PLCE1: variants seen among roughly 807,000 people sequenced by gnomAD.
The protein encoded by PLCE1 is phospholipase C epsilon 1.
In PLCE1, 119 loss-of-function variants were observed where a neutral mutation model predicts 242.8. That is an observed-to-expected ratio of 0.49 (90% CI 0.42 to 0.57). The LOEUF is 0.57. Ranked by LOEUF, PLCE1 falls within the 20% of genes least tolerant of loss-of-function variation. The pLI is 0.00. For missense variants in PLCE1, 2,441 were observed against 2,788.8 expected, an observed-to-expected ratio of 0.88 and a Z score of 2.81; for synonymous variants, 945 against 1,017.4, an observed-to-expected ratio of 0.93 and a Z score of 1.35.
intron 3 of PLCE1, among the ~76,000 whole-genome samples, chr10:94,160,594 C>T (rs1378457515): frequency 6.6e-6 from 1 of 152,098 alleles, no homozygotes; most frequent in East Asian, 1.9e-4. Context: ...ATGGTAGTTT[C>T]TTTTGCTGTG....
At chr10:94,318,282 A>C (rs779737165) in intron 29 of PLCE1, among the ~76,000 whole-genome samples, 7 of 152,224 alleles carry the variant, frequency 4.6e-5, no homozygotes, top group Non-Finnish European at 1.0e-4. Context: ...GCTTAGCTGT[A>C]CTTTTGAAGC....
chr10:94,242,365 A>C (rs1224480200), intron 7 of PLCE1, among the ~76,000 whole-genome samples: 2 of 151,994 alleles, frequency 1.3e-5, no homozygotes, highest in African/African-American at 4.8e-5. Flanking sequence ...ATGCAGTGGC[A>C]CAATGCCAGC....
intron 28 of PLCE1, 56 bp downstream of exon 28, chr10:94,313,438 T>C (rs2053454026): frequency 5.6e-6 from 9 of 1,598,434 alleles, no homozygotes; most frequent in East Asian, 2.2e-5. Context: ...TATGGATGTA[T>C]GTGTGTGTAT....
intron 30 of PLCE1, among the ~76,000 whole-genome samples, chr10:94,323,397 T>C (rs1455401002): frequency 3.9e-5 from 6 of 152,248 alleles, no homozygotes; most frequent in Non-Finnish European, 7.3e-5. Context: ...CTCAGATCTG[T>C]GCCTTAGTTA....
intron 20 of PLCE1, chr10:94,280,463 C>T (rs1564856996): frequency 6.4e-6 from 1 of 157,306 alleles, no homozygotes; most frequent in Non-Finnish European, 1.4e-5. Flanking sequence ...TGACGCAACA[C>T]AAAAAGTCAC....
intron 30 of PLCE1, among the ~76,000 whole-genome samples, chr10:94,322,523 G>T (rs774755421): frequency 6.6e-6 from 1 of 152,070 alleles, no homozygotes; most frequent in Non-Finnish European, 1.5e-5. Flanking sequence ...GGGGGTTCAC[G>T]CCTGTAATCC....
intron 4 of PLCE1, among the ~76,000 whole-genome samples, chr10:94,185,613 G>A (rs1355371137): frequency 3.3e-5 from 5 of 152,194 alleles, no homozygotes; most frequent in East Asian, 3.8e-4. Context: ...TCTATGAAGT[G>A]GGATAATTTA....
chr10:94,109,492 C>T (rs1415171458), intron 2 of PLCE1, among the ~76,000 whole-genome samples: 1 of 152,090 alleles, frequency 6.6e-6, no homozygotes, highest in Non-Finnish European at 1.5e-5. Context: ...CCTATAGTTC[C>T]AGCTACTTGG....
intron 2 of PLCE1, among the ~76,000 whole-genome samples, chr10:94,086,466 C>T (rs2044829712): frequency 6.6e-6 from 1 of 152,120 alleles, no homozygotes; most frequent in Non-Finnish European, 1.5e-5. Context: ...AATTTTGAAG[C>T]AATTTCTCAC....
At chr10:94,037,493 G>A (rs192929840) in intron 2 of PLCE1, among the ~76,000 whole-genome samples, 6 of 152,308 alleles carry the variant, frequency 3.9e-5, no homozygotes, top group East Asian at 1.9e-4. Context: ...TTAAAATTTC[G>A]TGGGGTGCTT....
intron 2 of PLCE1, among the ~76,000 whole-genome samples, chr10:94,087,349 C>CAAAAAA (rs57482986): frequency 3.0e-5 from 2 of 67,504 alleles, no homozygotes; most frequent in Non-Finnish European, 5.7e-5. Context: ...GACCCTGTCT[C>CAAAAAA]AAAAAAAAAA....
rs2044357147 is a variant in PLCE1, at chr10:94,071,501, T to TTTTGTTTTTTTTGTTTTTTTG, written c.1206+39252_1206+39253insGTTTTTTTTGTTTTTTTGTTT. ...GTGTGTGTGTTTGGTTTTCGTTTTT[T>TTTTGTTTTTTTTGTTTTTTTG]TTTTTTTTTTTTTTTGAGTCACTCT... On this transcript the variant is annotated intron_variant, in intron 2 of 32. Coordinates refer to ENST00000371380, the MANE Select transcript of PLCE1 (RefSeq NM_016341.4). Among the ~76,000 whole-genome samples, 4 of 129,646 alleles carry TTTTGTTTTTTTTGTTTTTTTG rather than the reference T, an allele frequency of 3.1e-5. 1 individual carries two copies. Among genetic ancestry groups the TTTTGTTTTTTTTGTTTTTTTG allele is most frequent in the African/African-American group, 1.4e-4 (4 of 29,528 alleles). The allele number at this position is 129,646 out of a possible 152,430, so 85.1% of individuals were successfully genotyped here. A position where few individuals can be genotyped will look rare whatever the true frequency, so the allele number is the denominator to read the frequency against.
chr10:94,293,795 C>T (rs2052717185), intron 23 of PLCE1, among the ~76,000 whole-genome samples, 156 bp downstream of exon 23: 1 of 152,124 alleles, frequency 6.6e-6, no homozygotes, highest in African/African-American at 2.4e-5. Flanking sequence ...TGCTAACTTA[C>T]ACTTTTAACG....
chr10:94,104,833 T>A (rs1390332472), intron 2 of PLCE1: 1 of 152,146 alleles, frequency 6.6e-6, no homozygotes, highest in Non-Finnish European at 1.5e-5. Context: ...ACGAGTGTGG[T>A]TTATACTTTA....
At chr10:94,250,131 C>CAAAAAAAAA (rs34113881) in intron 8 of PLCE1, among the ~76,000 whole-genome samples, 1 of 95,678 alleles carries the variant, frequency 1.0e-5, no homozygotes, top group Non-Finnish European at 2.1e-5. Context: ...GACTCTGTCT[C>CAAAAAAAAA]AAAAAAAAAA....
chr10:94,057,273 GT>G (rs1450431355), intron 2 of PLCE1, among the ~76,000 whole-genome samples: 3 of 151,918 alleles, frequency 2.0e-5, no homozygotes, highest in Non-Finnish European at 4.4e-5. Context: ...TTCATAGGCT[GT>G]TTTTTCATCT....
At chr10:94,024,976 A>C (rs1005457952) in intron 1 of PLCE1, among the ~76,000 whole-genome samples, 2 of 152,120 alleles carry the variant, frequency 1.3e-5, no homozygotes, top group African/African-American at 4.8e-5. Context: ...GTGACAGAAA[A>C]CCCAAGACAA....
chr10:94,079,481 G>C (rs796996083), intron 2 of PLCE1, among the ~76,000 whole-genome samples: 7 of 152,182 alleles, frequency 4.6e-5, no homozygotes, highest in African/African-American at 1.7e-4. Context: ...GATAGCATTA[G>C]GAGAAATACC....
At chr10:94,136,728 C>A (rs929533679) in intron 3 of PLCE1, among the ~76,000 whole-genome samples, 3 of 152,184 alleles carry the variant, frequency 2.0e-5, no homozygotes, top group Non-Finnish European at 4.4e-5. Flanking sequence ...TCAGTGCCAC[C>A]AAAGGTCATC....
Sources: allele counts gnomAD v4.1 joint callset (sites outside exome capture counted in the v4.1 genomes callset), GRCh38; gene constraint gnomAD v4.1.1; transcripts MANE v1.5; gene names NCBI Gene and HGNC (gene_info 2026-07-23, HGNC 2026-07-21).